MSANTD3: variants seen among roughly 807,000 people sequenced by gnomAD.
MSANTD3 encodes the protein Myb/SANT DNA binding domain containing 3.
Under a neutral mutation model 27.7 loss-of-function variants are expected in MSANTD3, and 11 were observed. That is an observed-to-expected ratio of 0.40 (90% confidence interval 0.25 to 0.66). The LOEUF (loss-of-function observed/expected upper bound fraction) is 0.66. Ranked by LOEUF, MSANTD3 falls within the 30% of genes least tolerant of loss-of-function variation. The probability of loss-of-function intolerance (pLI) is 0.41; values close to 1 mark genes in which losing one functional copy is unlikely to be tolerated. For missense variants in MSANTD3, 250 were observed against 336.5 expected (o/e 0.74, Z 2.01); for synonymous variants, 131 against 127.2 (o/e 1.03, Z -0.20).
Position 100,442,365 on chromosome 9 carries a change from T to C in MSANTD3, c.418+9T>C, listed in dbSNP as rs1264529007. The C allele has an allele frequency of 1.9e-6, 3 of 1,603,678 alleles. No individual in the cohort carries two copies. Among genetic ancestry groups the C allele is most frequent in the East Asian group, 4.5e-5 (2 of 44,736 alleles). ...CGACGCCTCAGCCCAAGGTATCCGT[T>C]CCTGATGCCAGTGTGCACGCTCTCA... On this transcript the variant is annotated intron_variant, in intron 2 of 2. Transcript: ENST00000395067.
chr9:100,440,291 C>T (rs141019920), intron 1 of MSANTD3, among the ~76,000 whole-genome samples: 1 of 152,254 alleles, frequency 6.6e-6, no homozygotes, highest in East Asian at 1.9e-4. Flanking sequence ...CTAGGGCAGT[C>T]CAAGCTCTGG....
intron 1 of MSANTD3, among the ~76,000 whole-genome samples, chr9:100,436,769 A>G (rs934742211): frequency 1.3e-5 from 2 of 151,884 alleles, no homozygotes; most frequent in Admixed American, 1.3e-4. Context: ...GGCATGGACC[A>G]TGTTAAAGCT....
intron 1 of MSANTD3, among the ~76,000 whole-genome samples, chr9:100,432,296 G>A (rs1836393923): frequency 6.6e-6 from 1 of 152,136 alleles, no homozygotes; most frequent in Admixed American, 6.6e-5. Context: ...GAGAGCTTGG[G>A]TGAGTGGCCA....
intron 1 of MSANTD3, among the ~76,000 whole-genome samples, chr9:100,440,575 T>C (rs1836588406): frequency 1.3e-5 from 2 of 150,060 alleles, no homozygotes; most frequent in South Asian, 4.2e-4. Flanking sequence ...TGCCACAGAG[T>C]GATGAAAACG....
intron 1 of MSANTD3, among the ~76,000 whole-genome samples, chr9:100,428,516 G>C (rs531147060): frequency 1.3e-5 from 2 of 152,278 alleles, no homozygotes; most frequent in Admixed American, 6.5e-5. Flanking sequence ...AAGGCACCAG[G>C]GTTCACCATC....
intron 2 of MSANTD3, among the ~76,000 whole-genome samples, chr9:100,442,808 CAAA>C (rs59051169): frequency 9.7e-4 from 54 of 55,882 alleles, no homozygotes; most frequent in South Asian, 8.7e-3. Flanking sequence ...GACCCTGTCT[CAAA>C]AAAAAAAAAA....
intron 1 of MSANTD3, among the ~76,000 whole-genome samples, chr9:100,430,994 CTTT>C (rs1564246186): frequency 6.6e-6 from 1 of 151,310 alleles, no homozygotes; most frequent in Non-Finnish European, 1.5e-5. Flanking sequence ...TATTCTTTTT[CTTT>C]TTTTCTTTTT....
Position 100,450,622 on chromosome 9 carries a change from T to C in MSANTD3, c.484T>C (p.Cys162Arg), listed in dbSNP as rs748818336. 5 of 1,611,482 alleles carry C rather than the reference T, an allele frequency of 3.1e-6. No homozygotes were observed. The highest frequency in any genetic ancestry group is 4.2e-6 in the Non-Finnish European group (5 of 1,179,418). Reference sequence around the variant, plus strand: ...GAAAGAGTTCATACATTTTCCAGTATGTGAGGGGACCTCTCAACCTGAACC... The same window carrying C: ...GAAAGAGTTCATACATTTTCCAGTACGTGAGGGGACCTCTCAACCTGAACC... ...DEKEFIHFPV[C>R]EGTSQPEPSC... The change falls in exon 3 of 3, where the codon TGT becomes CGT. Residue 162 changes from cysteine (C) to arginine (R), a missense_variant. Physicochemically the swap from Cys to Arg is radical, Grantham distance 180. Transcript: ENST00000395067.
chr9:100,449,536 A>G (rs1836834363), intron 2 of MSANTD3, among the ~76,000 whole-genome samples: 2 of 152,188 alleles, frequency 1.3e-5, no homozygotes, highest in South Asian at 4.1e-4. Context: ...TAAAAAAGCG[A>G]GACTACAGTA....
chr9:100,450,442 C>A, intron 2 of MSANTD3, 115 bp from the exon 3 acceptor site: 2 of 981,898 alleles, frequency 2.0e-6, no homozygotes, highest in South Asian at 2.0e-5. Flanking sequence ...CCAAAGCAGA[C>A]ATGATTTTAG....
intron 1 of MSANTD3, among the ~76,000 whole-genome samples, chr9:100,428,273 A>C (rs1160657856): frequency 6.6e-6 from 1 of 152,220 alleles, no homozygotes; most frequent in Non-Finnish European, 1.5e-5. Context: ...ATGCAGGGAT[A>C]TATTTGTCAT....
At chr9:100,432,473 C>T (rs1353813321) in intron 1 of MSANTD3, among the ~76,000 whole-genome samples, 2 of 152,006 alleles carry the variant, frequency 1.3e-5, no homozygotes, top group African/African-American at 2.4e-5. Context: ...AAGAAGGAAA[C>T]GATTATATTA....
At chr9:100,445,133 C>T (rs1329706381) in intron 2 of MSANTD3, 2 of 1,367,712 alleles carry the variant, frequency 1.5e-6, no homozygotes, top group Non-Finnish European at 2.1e-6. Flanking sequence ...TACAGTAAAA[C>T]AACTTTGAGT....
chr9:100,440,152 G>A (rs567737066), intron 1 of MSANTD3, among the ~76,000 whole-genome samples: 320 of 152,300 alleles, frequency 2.1e-3, no homozygotes, highest in Non-Finnish European at 3.4e-3. Flanking sequence ...CCTGTTGTGT[G>A]AAACATGCTG....
intron 1 of MSANTD3, among the ~76,000 whole-genome samples, chr9:100,435,057 A>G (rs1007702153): frequency 6.6e-6 from 1 of 152,194 alleles, no homozygotes; most frequent in African/African-American, 2.4e-5. Context: ...GAGTAGAAAG[A>G]ACTAAAATTG....
intron 1 of MSANTD3, among the ~76,000 whole-genome samples, chr9:100,440,590 A>T (rs964789462): frequency 5.2e-5 from 7 of 135,286 alleles, no homozygotes; most frequent in South Asian, 2.4e-4. Flanking sequence ...AAAACGTCAA[A>T]TTTTTTTTTT....
chr9:100,448,362 C>T (rs1414162873), intron 2 of MSANTD3: 1 of 985,164 alleles, frequency 1.0e-6, no homozygotes, highest in Admixed American at 6.2e-5. Flanking sequence ...CTAATGTGTC[C>T]AGTCTTCAAA....
chr9:100,430,134 T>TACAAAAAA (rs1836337720), intron 1 of MSANTD3, among the ~76,000 whole-genome samples: 1 of 151,426 alleles, frequency 6.6e-6, no homozygotes, highest in African/African-American at 2.4e-5. Context: ...AGTGTGTGTG[T>TACAAAAAA]AATTTGTAAG....
At chr9:100,447,521 GC>G (rs34206044) in intron 2 of MSANTD3, among the ~76,000 whole-genome samples, 1 of 152,124 alleles carries the variant, frequency 6.6e-6, no homozygotes, top group South Asian at 2.1e-4. Context: ...CAGGATACAC[GC>G]CCATATTCTT....
Sources: gnomAD v4.1 joint callset for allele counts (sites outside exome capture counted in the v4.1 genomes callset) on GRCh38, gnomAD v4.1.1 for gene constraint, MANE v1.5 for transcripts, NCBI Gene and HGNC (gene_info 2026-07-23, HGNC 2026-07-21) for gene names.